CSMD1: variants seen among roughly 807,000 people sequenced by gnomAD.
CSMD1 encodes the protein CUB and sushi domain-containing protein 1.
Under a neutral mutation model 417.5 loss-of-function variants are expected in CSMD1, and 213 were observed. That is an observed-to-expected ratio of 0.51 (90% CI 0.46 to 0.57). The LOEUF is 0.57. CSMD1 is among the 20% of genes least tolerant of loss of function. The pLI is 0.00. For synonymous variants in CSMD1, 2,862 were observed against 1,736.8 expected, an observed-to-expected ratio of 1.65 and a Z score of -16.11; for missense variants, 6,923 against 4,529.7, an observed-to-expected ratio of 1.53 and a Z score of -15.17.
At chr8:4,656,879 C>T (rs1804266320) in intron 1 of CSMD1, among the ~76,000 whole-genome samples, 1 of 152,000 alleles carries the variant, frequency 6.6e-6, no homozygotes, top group East Asian at 1.9e-4. Context: ...GCAGGGGCCC[C>T]CAACATCTTA....
Position 4,421,053 on chromosome 8 carries a change from A to G in CSMD1, c.303-988T>C, listed in dbSNP as rs925078704. The stretch of plus-strand genomic sequence containing the variant: ...TAATTCAGTCCCCTTAAAGAGACTC[A>G]TTTGTTCATTTTTTCCCATTGGATG... On this transcript the variant is annotated intron_variant, in intron 2 of 69. Transcript: ENST00000635120. Among the ~76,000 whole-genome samples the G allele has an allele frequency of 3.3e-5, 5 of 152,266 alleles. No homozygotes were observed. The South Asian group carries it at 8.3e-4, about 25-fold the overall frequency.
rs1438373637 is a variant in CSMD1, at chr8:3,181,106, T to C, written c.5725+4A>G. 2.5e-6 allele frequency: 4 copies of C among 1,600,110 alleles called. No individual in the cohort carries two copies. In the East Asian group the frequency reaches 6.7e-5, roughly 27 times the overall value. On this transcript the variant is annotated splice_donor_region_variant and intron_variant, in intron 37 of 69. Coordinates refer to ENST00000635120, the MANE Select transcript of CSMD1 (RefSeq NM_033225.6). ...AAGCTGTATACAGAAAGAGTTGACC[T>C]TACTTTTGTATTCCAGGTGGAAACC...
At chr8:4,443,925 G>C (rs1040777121) in intron 2 of CSMD1, among the ~76,000 whole-genome samples, 1 of 152,050 alleles carries the variant, frequency 6.6e-6, no homozygotes, top group Non-Finnish European at 1.5e-5. Context: ...TAAGAAATGC[G>C]TACATATACA....
At chr8:3,558,185 C>T (rs1166506286) in intron 10 of CSMD1, among the ~76,000 whole-genome samples, 2 of 149,706 alleles carry the variant, frequency 1.3e-5, no homozygotes, top group Non-Finnish European at 3.0e-5. Flanking sequence ...TCCACTCCTC[C>T]AATGATGAAT....
At chr8:4,669,691 T>C (rs746077533) in intron 1 of CSMD1, among the ~76,000 whole-genome samples, 8 of 152,212 alleles carry the variant, frequency 5.3e-5, no homozygotes, top group Non-Finnish European at 1.2e-4. Context: ...TTTGCTAACT[T>C]GAACATTTCT....
intron 10 of CSMD1, among the ~76,000 whole-genome samples, chr8:3,553,488 AAGAC>A (rs1585353499): frequency 1.3e-5 from 2 of 152,206 alleles, no homozygotes; most frequent in African/African-American, 4.8e-5. Flanking sequence ...AGATATTCCT[AAGAC>A]AGCTGCGTCA....
At chr8:3,739,454 TTA>T (rs1796685454) in intron 6 of CSMD1, among the ~76,000 whole-genome samples, 1 of 152,212 alleles carries the variant, frequency 6.6e-6, no homozygotes, top group Non-Finnish European at 1.5e-5. Context: ...GATGCACCCG[TTA>T]ATTACTCTGG....
At chr8:3,455,649 T>G (rs1275856964) in intron 12 of CSMD1, among the ~76,000 whole-genome samples, 3 of 152,238 alleles carry the variant, frequency 2.0e-5, no homozygotes, top group African/African-American at 7.2e-5. Context: ...CAGCAAATGC[T>G]GCTGCCTGAT....
chr8:3,657,523 G>C (rs1348081223), intron 7 of CSMD1, among the ~76,000 whole-genome samples: 5 of 152,074 alleles, frequency 3.3e-5, no homozygotes, highest in African/African-American at 1.2e-4. Flanking sequence ...CCATAAAAAA[G>C]GGTGAGTTCA....
At chr8:3,609,479 G>T (rs1396061652) in intron 8 of CSMD1, among the ~76,000 whole-genome samples, 1 of 151,902 alleles carries the variant, frequency 6.6e-6, no homozygotes, top group Non-Finnish European at 1.5e-5. Flanking sequence ...ATTTTCTTCG[G>T]GTATTTTATA....
At chr8:4,754,662 T>A (rs1291893246) in intron 1 of CSMD1, among the ~76,000 whole-genome samples, 1 of 151,946 alleles carries the variant, frequency 6.6e-6, no homozygotes, top group East Asian at 1.9e-4. Flanking sequence ...CAATCCTGGC[T>A]AACATGGTGA....
At chr8:4,672,202 G>C (rs553692687) in intron 1 of CSMD1, among the ~76,000 whole-genome samples, 25 of 152,330 alleles carry the variant, frequency 1.6e-4, no homozygotes, top group African/African-American at 5.8e-4. Flanking sequence ...CAGGAAGAGA[G>C]GACAATGGCA....
At chr8:4,541,884 G>A (rs1472899854) in intron 2 of CSMD1, among the ~76,000 whole-genome samples, 2 of 152,136 alleles carry the variant, frequency 1.3e-5, no homozygotes, top group East Asian at 1.9e-4. Flanking sequence ...GATGGAGGCT[G>A]GAGGCGCCGC....
rs137949447 is a variant in CSMD1, at chr8:3,114,612, G to A, written c.6430+3787C>T. Among the ~76,000 whole-genome samples, 520 of 151,962 alleles carry A rather than the reference G, an allele frequency of 3.4e-3. 1 individual carries two copies. Among genetic ancestry groups the A allele is most frequent in the Non-Finnish European group, 4.7e-3 (320 of 67,972 alleles). On this transcript the variant is annotated intron_variant, in intron 42 of 69. Transcript: ENST00000635120. ...GCATTTTCAGAGAAGAATCCAGAGC[G>A]CACTCTGTCTTGGAAATTGCCGGTT...
At chr8:3,509,542 C>T (rs1796975406) in intron 10 of CSMD1, among the ~76,000 whole-genome samples, 2 of 152,106 alleles carry the variant, frequency 1.3e-5, no homozygotes, top group Admixed American at 1.3e-4. Context: ...CCAAGATTGC[C>T]TCTAAATTTT....
intron 26 of CSMD1, among the ~76,000 whole-genome samples, chr8:3,255,952 C>T (rs573164481): frequency 1.3e-5 from 2 of 152,314 alleles, no homozygotes; most frequent in Admixed American, 1.3e-4. Flanking sequence ...CCATCTTCTG[C>T]ATCGTTCATG....
rs1810192268 is a variant in CSMD1, at chr8:3,029,511, C to T, written c.7663G>A (p.Val2555Ile). The T allele has an allele frequency of 1.3e-6, 2 of 1,590,828 alleles. No homozygotes were observed. The highest frequency in any genetic ancestry group is 1.7e-6 in the Non-Finnish European group (2 of 1,168,218). Residue 2555 changes from valine to isoleucine, a missense_variant and splice_region_variant, in exon 51 of 70, where the codon GTC (valine) becomes ATC (isoleucine). Transcript: ENST00000635120. ...TGAGCTTCAATGCTGGGGCAAGCGACCGCTGGAAGGGAAACGTACATCACA... is the reference window on the plus strand; with the variant it reads ...TGAGCTTCAATGCTGGGGCAAGCGATCGCTGGAAGGGAAACGTACATCACA... The part of the protein sequence containing the change: ...NKGKPPTCKP[V>I]ACPSIEAQLS...
chr8:4,402,719 C>T (rs553528223), intron 3 of CSMD1, among the ~76,000 whole-genome samples: 20 of 151,608 alleles, frequency 1.3e-4, no homozygotes, highest in African/African-American at 4.8e-4. Flanking sequence ...CCGTCATATC[C>T]TTCTCTCACC....
intron 47 of CSMD1, among the ~76,000 whole-genome samples, chr8:3,093,985 A>G (rs913801692): frequency 6.6e-6 from 1 of 152,142 alleles, no homozygotes; most frequent in Non-Finnish European, 1.5e-5. Flanking sequence ...GATAATGTAT[A>G]TTCTGAGATA....
Sources: allele counts gnomAD v4.1 joint callset (sites outside exome capture counted in the v4.1 genomes callset), GRCh38; gene constraint gnomAD v4.1.1; transcripts MANE v1.5; gene names NCBI Gene and HGNC (gene_info 2026-07-23, HGNC 2026-07-21).